The following NBAS variants were observed in gnomAD, a reference collection of about 807,000 sequenced individuals.
The protein encoded by NBAS is NAG/BC035112 fusion.
In NBAS, 219 loss-of-function variants were observed where a neutral mutation model predicts 302.5. That is an observed-to-expected ratio of 0.72 (90% CI 0.65 to 0.81). The LOEUF (loss-of-function observed/expected upper bound fraction) is 0.81, where lower values mean the gene tolerates loss of function less well. Ranked by LOEUF, NBAS falls within the 30% of genes least tolerant of loss-of-function variation. The pLI is 0.00. For synonymous variants in NBAS, 1,118 were observed against 1,021.6 expected, an observed-to-expected ratio of 1.09 and a Z score of -1.80; for missense variants, 2,932 against 2,841.6, an observed-to-expected ratio of 1.03 and a Z score of -0.72.
chr2:15,140,769 G>A, the NBAS span, among the ~76,000 whole-genome samples: 1 of 152,172 alleles, frequency 6.6e-6, no homozygotes, highest in African/African-American at 2.4e-5. Context: ...AGGTAGTCAT[G>A]AGTAATCCAG....
At chr2:14,845,456 G>T in the NBAS span, among the ~76,000 whole-genome samples, 1 of 152,170 alleles carries the variant, frequency 6.6e-6, no homozygotes, top group African/African-American at 2.4e-5. Flanking sequence ...AGGCCAGATT[G>T]TAAAGACTGC....
chr2:15,261,517 G>GT (rs557330785), intron 44 of NBAS, among the ~76,000 whole-genome samples: 266 of 152,206 alleles, frequency 1.7e-3, no homozygotes, highest in Non-Finnish European at 2.9e-3. Flanking sequence ...TATAATAAAA[G>GT]TGAGTAATGC....
At chr2:15,043,048 G>A in the NBAS span, among the ~76,000 whole-genome samples, 1 of 152,294 alleles carries the variant, frequency 6.6e-6, no homozygotes, top group African/African-American at 2.4e-5. Context: ...TTTGGTTCAT[G>A]AGCCATAGTT....
intron 27 of NBAS, among the ~76,000 whole-genome samples, chr2:15,395,184 C>A (rs954931974): frequency 6.6e-5 from 10 of 152,032 alleles, no homozygotes; most frequent in Non-Finnish European, 1.2e-4. Context: ...GTACTGATGG[C>A]ATATTAAAAC....
At chr2:15,494,076 G>A (rs1680974382) in intron 11 of NBAS, among the ~76,000 whole-genome samples, 1 of 152,028 alleles carries the variant, frequency 6.6e-6, no homozygotes, top group South Asian at 2.1e-4. Context: ...TGCCTACTTA[G>A]GCCTCCCAAA....
intron 48 of NBAS, among the ~76,000 whole-genome samples, chr2:15,200,449 T>C (rs1026163216): frequency 2.0e-5 from 3 of 152,150 alleles, no homozygotes; most frequent in Non-Finnish European, 4.4e-5. Context: ...ACTTTGTCCT[T>C]TTGCCCAGTG....
chr2:15,090,327 G>T, the NBAS span, among the ~76,000 whole-genome samples: 649 of 152,282 alleles, frequency 4.3e-3, 1 homozygote, highest in Middle Eastern at 0.017. Flanking sequence ...GATTTCTCCA[G>T]CTCAGCTGTG....
chr2:15,192,724 G>A (rs1473464968), intron 48 of NBAS, among the ~76,000 whole-genome samples: 4 of 152,162 alleles, frequency 2.6e-5, no homozygotes, highest in African/African-American at 9.6e-5. Context: ...TGCAGGAAAG[G>A]TTTGTGCTTA....
chr2:14,864,980 T>C, the NBAS span, among the ~76,000 whole-genome samples: 1 of 152,198 alleles, frequency 6.6e-6, no homozygotes, highest in Non-Finnish European at 1.5e-5. Flanking sequence ...CCCCTTAGTC[T>C]CCTACTAGAC....
the NBAS span, among the ~76,000 whole-genome samples, chr2:14,932,168 C>T: frequency 3.0e-3 from 455 of 152,260 alleles, 2 homozygotes; most frequent in African/African-American, 0.011. Flanking sequence ...GAGCACAAAC[C>T]CTCATCCTAT....
At chr2:15,180,019 C>A in intron 50 of NBAS, 1 of 152,162 alleles carries the variant, frequency 6.6e-6, no homozygotes, top group East Asian at 1.9e-4. Context: ...TACACTAAAG[C>A]AAGGGTTGCT....
At chr2:15,498,304 A>G (rs905358067) in intron 11 of NBAS, among the ~76,000 whole-genome samples, 1 of 152,226 alleles carries the variant, frequency 6.6e-6, no homozygotes, top group Non-Finnish European at 1.5e-5. Context: ...AAATTTGGAT[A>G]ATACTATACC....
intron 31 of NBAS, among the ~76,000 whole-genome samples, chr2:15,368,312 G>C (rs1173182457): frequency 6.9e-6 from 1 of 145,706 alleles, no homozygotes; most frequent in African/African-American, 2.6e-5. Context: ...CGATTCTTCT[G>C]CCTCAGCCTC....
At chr2:15,396,204 T>C (rs192379811) in intron 27 of NBAS, among the ~76,000 whole-genome samples, 35 of 152,260 alleles carry the variant, frequency 2.3e-4, no homozygotes, top group Admixed American at 9.1e-4. Context: ...AATTTGAACG[T>C]AGGTTTTCAA....
At position 15,366,707 on chromosome 2, in the gene NBAS, AC is replaced by A. The variant is rs768366938; in HGVS notation, c.3704-15del. 6.2e-7 allele frequency: 1 copy of A among 1,611,284 alleles called. No individual in the cohort carries two copies. On this transcript the variant is annotated splice_polypyrimidine_tract_variant and intron_variant, in intron 31 of 51. Coordinates refer to ENST00000281513, the MANE Select transcript of NBAS (RefSeq NM_015909.4). ...GGCACAATCGCACTACAAAAGAAAG[AC>A]GTATTAAAGACTTGGACCAGGGACA...
intron 6 of NBAS, among the ~76,000 whole-genome samples, chr2:15,545,306 T>G (rs1387958176): frequency 6.6e-6 from 1 of 152,084 alleles, no homozygotes; most frequent in Non-Finnish European, 1.5e-5. Context: ...AAATCCTGTA[T>G]GCAGAAGAAA....
the NBAS span, among the ~76,000 whole-genome samples, chr2:14,901,603 G>A: frequency 5.9e-5 from 9 of 152,106 alleles, no homozygotes; most frequent in Admixed American, 5.9e-4. Context: ...CTGAAATACT[G>A]AACTCATCCT....
the NBAS span, among the ~76,000 whole-genome samples, chr2:14,848,316 C>G: frequency 9.9e-6 from 1 of 100,766 alleles, no homozygotes; most frequent in Admixed American, 8.5e-5. Context: ...AAAGGGGTGA[C>G]GGACACACCT....
chr2:15,163,920 C>T (rs538202125), downstream of NBAS, among the ~76,000 whole-genome samples: 1 of 152,190 alleles, frequency 6.6e-6, no homozygotes, highest in Admixed American at 6.5e-5. Context: ...CCTCAGCCTC[C>T]CGAGTAGCTG....
Sources: allele counts gnomAD v4.1 joint callset (sites outside exome capture counted in the v4.1 genomes callset), GRCh38; gene constraint gnomAD v4.1.1; transcripts MANE v1.5; gene names NCBI Gene and HGNC (gene_info 2026-07-23, HGNC 2026-07-21).